TRPM3: variants seen among roughly 807,000 people sequenced by gnomAD.
TRPM3 encodes transient receptor potential cation channel subfamily M member 3, also known as long transient receptor potential channel 3.
A neutral mutation model predicts 181.2 loss-of-function variants in TRPM3; 77 were observed. The ratio of observed to expected loss-of-function variants is 0.42; its 90% CI spans 0.35 to 0.51. The LOEUF is 0.51. Among genes scored for constraint, TRPM3 ranks in the 20% least tolerant of loss-of-function variants. The pLI, the probability that TRPM3 is intolerant of heterozygous loss-of-function variation, is 0.01. For missense variants in TRPM3, 1,759 were observed against 2,196.7 expected, an observed-to-expected ratio of 0.80 and a Z score of 3.98; for synonymous variants, 745 against 796.4, an observed-to-expected ratio of 0.94 and a Z score of 1.09.
chr9:71,322,371 T>C (rs950055390), intron 1 of TRPM3, among the ~76,000 whole-genome samples: 2 of 152,164 alleles, frequency 1.3e-5, no homozygotes, highest in African/African-American at 4.8e-5. Flanking sequence ...AATATCGTTA[T>C]TTAAAATATT....
At chr9:70,804,102 G>A (rs1220166495) in intron 6 of TRPM3, among the ~76,000 whole-genome samples, 2 of 151,958 alleles carry the variant, frequency 1.3e-5, no homozygotes, top group African/African-American at 2.4e-5. Context: ...AGGCCGAGGC[G>A]GGTGGATCAC....
At chr9:70,603,580 C>T (rs1464592567) in intron 19 of TRPM3, 110 bp from the exon 20 acceptor site, 2 of 1,217,674 alleles carry the variant, frequency 1.6e-6, no homozygotes, top group Non-Finnish European at 2.3e-6. Flanking sequence ...AGGACACAGA[C>T]TTTATGACAA....
At chr9:70,852,942 A>T (rs1237500415) in intron 3 of TRPM3, among the ~76,000 whole-genome samples, 1 of 152,012 alleles carries the variant, frequency 6.6e-6, no homozygotes, top group African/African-American at 2.4e-5. Context: ...TCTTAATCAA[A>T]CCCAGTGTGA....
intron 6 of TRPM3, among the ~76,000 whole-genome samples, chr9:70,803,682 C>T (rs552775368): frequency 6.3e-4 from 96 of 152,010 alleles, no homozygotes; most frequent in African/African-American, 2.2e-3. Context: ...GATCTCCTGA[C>T]CTCGTGATCA....
intron 1 of TRPM3, among the ~76,000 whole-genome samples, chr9:71,380,004 T>C (rs1009719819): frequency 6.6e-6 from 1 of 152,064 alleles, no homozygotes; most frequent in Admixed American, 6.6e-5. Context: ...TTTCATCTAA[T>C]TTTAAGATGG....
At chr9:71,142,473 TA>T (rs1425317366) in intron 1 of TRPM3, among the ~76,000 whole-genome samples, 3 of 152,152 alleles carry the variant, frequency 2.0e-5, no homozygotes, top group Admixed American at 6.5e-5. Context: ...CATTATTTTT[TA>T]CATTTTCATA....
chr9:70,899,724 C>T (rs990638580), intron 1 of TRPM3, among the ~76,000 whole-genome samples: 4 of 152,164 alleles, frequency 2.6e-5, no homozygotes, highest in African/African-American at 9.7e-5. Context: ...TATCTTAAGG[C>T]ATTTGCTTGT....
At chr9:71,224,824 TGAA>T in intron 1 of TRPM3, among the ~76,000 whole-genome samples, 1 of 151,712 alleles carries the variant, frequency 6.6e-6, no homozygotes, top group East Asian at 1.9e-4. Context: ...ACTGGCATAC[TGAA>T]GAATGCATCA....
chr9:71,181,189 C>T (rs890772225), intron 1 of TRPM3, among the ~76,000 whole-genome samples: 2 of 152,030 alleles, frequency 1.3e-5, no homozygotes, highest in African/African-American at 4.8e-5. Context: ...CACTCACTCG[C>T]CATTTGAACT....
At chr9:70,783,936 TTC>T in intron 7 of TRPM3, 167 bp downstream of exon 7, 1 of 1,376,216 alleles carries the variant, frequency 7.3e-7, no homozygotes, top group South Asian at 1.9e-5. Flanking sequence ...TAGAATATGT[TTC>T]TCTGTTCTTC....
intron 20 of TRPM3, among the ~76,000 whole-genome samples, chr9:70,601,959 C>T (rs931173943): frequency 6.6e-6 from 1 of 152,168 alleles, no homozygotes; most frequent in African/African-American, 2.4e-5. Context: ...GGCCTCAGTT[C>T]TCAGAGAGCT....
At chr9:71,306,384 C>T (rs989295057) in intron 1 of TRPM3, among the ~76,000 whole-genome samples, 1 of 152,090 alleles carries the variant, frequency 6.6e-6, no homozygotes, top group African/African-American at 2.4e-5. Flanking sequence ...GAATGAGGTG[C>T]TTTCCTAGGA....
chr9:70,792,487 A>G (rs925123296), intron 6 of TRPM3, among the ~76,000 whole-genome samples: 3 of 151,662 alleles, frequency 2.0e-5, no homozygotes, highest in African/African-American at 7.3e-5. Context: ...GAAAGAATCT[A>G]TGAAAGAGAG....
At chr9:71,190,013 A>G (rs1398643215) in intron 1 of TRPM3, among the ~76,000 whole-genome samples, 1 of 151,854 alleles carries the variant, frequency 6.6e-6, no homozygotes, top group Non-Finnish European at 1.5e-5. Context: ...TGTTCTTGTT[A>G]TCCTGATTTT....
chr9:71,313,333 G>C (rs2088174997), intron 1 of TRPM3, among the ~76,000 whole-genome samples: 1 of 152,086 alleles, frequency 6.6e-6, no homozygotes, highest in Non-Finnish European at 1.5e-5. Context: ...TACTTTAAAA[G>C]TTTTTAAAAT....
At chr9:70,963,686 G>A (rs182175007) in intron 1 of TRPM3, among the ~76,000 whole-genome samples, 72 of 152,194 alleles carry the variant, frequency 4.7e-4, no homozygotes, top group Non-Finnish European at 7.4e-4. Context: ...TCAAGTTCAC[G>A]CTGGAAACCT....
chr9:71,021,411 T>C (rs1318903275), intron 1 of TRPM3, among the ~76,000 whole-genome samples: 30 of 152,218 alleles, frequency 2.0e-4, no homozygotes, highest in Admixed American at 2.0e-3. Flanking sequence ...AACTCAAGTG[T>C]GAAGTAATCT....
At chr9:71,040,399 C>T (rs977031521) in intron 1 of TRPM3, among the ~76,000 whole-genome samples, 4 of 152,094 alleles carry the variant, frequency 2.6e-5, no homozygotes, top group African/African-American at 9.7e-5. Flanking sequence ...CAGTGCCAGC[C>T]CCCAGGACAT....
chr9:70,905,843 G>C (rs975183788), intron 1 of TRPM3, among the ~76,000 whole-genome samples: 1 of 151,830 alleles, frequency 6.6e-6, no homozygotes, highest in Non-Finnish European at 1.5e-5. Flanking sequence ...ACCTGGGCTC[G>C]AGTGATCCTC....
Sources: allele counts gnomAD v4.1 joint callset (sites outside exome capture counted in the v4.1 genomes callset), GRCh38; gene constraint gnomAD v4.1.1; transcripts MANE v1.5; gene names NCBI Gene and HGNC (gene_info 2026-07-23, HGNC 2026-07-21).